Variants in BNC2 observed in about 807,000 individuals in gnomAD.
BNC2 encodes the protein zinc finger protein basonuclin-2.
A neutral mutation model predicts 76.3 loss-of-function variants in BNC2; 20 were observed. The observed-to-expected ratio is 0.26, with a 90% CI of 0.18 to 0.38. The LOEUF (loss-of-function observed/expected upper bound fraction) is 0.38, where lower values mean the gene tolerates loss of function less well. Ranked by LOEUF, BNC2 falls within the 10% of genes least tolerant of loss-of-function variation. The pLI is 1.00. For synonymous variants in BNC2, 582 were observed against 514.8 expected (o/e 1.13, Z -1.77); for missense variants, 1,382 against 1,399.8 (o/e 0.99, Z 0.20).
intron 5 of BNC2, among the ~76,000 whole-genome samples, chr9:16,451,696 T>C (rs1203098911): frequency 6.6e-6 from 1 of 152,158 alleles, no homozygotes; most frequent in African/African-American, 2.4e-5. Context: ...CCATGAAATG[T>C]TTCCTCTCCT....
chr9:16,488,856 A>G (rs1209419585), intron 5 of BNC2, among the ~76,000 whole-genome samples: 1 of 152,168 alleles, frequency 6.6e-6, no homozygotes, highest in South Asian at 2.1e-4. Flanking sequence ...CAAAAAACTG[A>G]TTAGTAGACC....
intron 1 of BNC2, among the ~76,000 whole-genome samples, chr9:16,845,546 C>A (rs960803813): frequency 6.6e-6 from 1 of 151,560 alleles, no homozygotes; most frequent in African/African-American, 2.4e-5. Flanking sequence ...ACAGTGAAAC[C>A]CCATCTCTAC....
intron 5 of BNC2, among the ~76,000 whole-genome samples, chr9:16,485,642 A>T (rs1185733494): frequency 6.6e-6 from 1 of 152,194 alleles, no homozygotes; most frequent in African/African-American, 2.4e-5. Flanking sequence ...CAACATAGTG[A>T]GACCCTGTCT....
intron 5 of BNC2, among the ~76,000 whole-genome samples, chr9:16,441,811 C>G (rs895096385): frequency 2.0e-5 from 3 of 152,096 alleles, no homozygotes; most frequent in Non-Finnish European, 2.9e-5. Context: ...AACTAGTCCT[C>G]CTTGCAAACA....
At chr9:16,744,862 T>A (rs1436047700) in intron 1 of BNC2, among the ~76,000 whole-genome samples, 1 of 152,242 alleles carries the variant, frequency 6.6e-6, no homozygotes, top group Non-Finnish European at 1.5e-5. Context: ...CATGCCCACA[T>A]ATGCAAACAT....
chr9:16,523,583 A>G (rs755067608), intron 5 of BNC2, among the ~76,000 whole-genome samples: 2 of 152,154 alleles, frequency 1.3e-5, no homozygotes, highest in African/African-American at 2.4e-5. Context: ...AAGTATGACT[A>G]AAGAGAAGAA....
At chr9:16,758,083 C>G (rs10756809) in intron 1 of BNC2, among the ~76,000 whole-genome samples, 123,301 of 152,128 alleles carry the variant, frequency 0.81, 51,401 homozygotes, top group Non-Finnish European at 0.91. Context: ...GACTCAAAAG[C>G]AGAATCTGCT....
intron 5 of BNC2, among the ~76,000 whole-genome samples, chr9:16,439,273 A>G (rs995374363): frequency 4.6e-5 from 7 of 152,074 alleles, no homozygotes; most frequent in African/African-American, 1.7e-4. Flanking sequence ...TACAACCTCA[A>G]CTCAATCATC....
At chr9:16,446,748 A>T (rs956858267) in intron 5 of BNC2, among the ~76,000 whole-genome samples, 1 of 151,854 alleles carries the variant, frequency 6.6e-6, no homozygotes, top group Non-Finnish European at 1.5e-5. Context: ...CTTCAGTAAC[A>T]GTCTATACAG....
intron 5 of BNC2, among the ~76,000 whole-genome samples, chr9:16,463,930 T>C (rs563316136): frequency 6.6e-6 from 1 of 151,702 alleles, no homozygotes; most frequent in Admixed American, 6.6e-5. Flanking sequence ...ACCTTGTCTC[T>C]ACTTAAAATA....
intron 3 of BNC2, among the ~76,000 whole-genome samples, chr9:16,714,268 C>A (rs1273690772): frequency 2.6e-5 from 4 of 152,218 alleles, no homozygotes; most frequent in Non-Finnish European, 5.9e-5. Flanking sequence ...AAACACAAAG[C>A]ACAAATGTTA....
intron 2 of BNC2, 61 bp downstream of exon 2, chr9:16,738,299 G>T (rs1824737675): frequency 1.3e-6 from 2 of 1,557,842 alleles, no homozygotes; most frequent in African/African-American, 1.4e-5. Context: ...TCTTAACTAG[G>T]TAATCAAAGA....
intron 3 of BNC2, among the ~76,000 whole-genome samples, chr9:16,633,617 A>G (rs1187420824): frequency 2.6e-5 from 4 of 152,184 alleles, no homozygotes; most frequent in Non-Finnish European, 1.5e-5. Context: ...AAGTTTTTAT[A>G]ATATCATTAT....
At chr9:16,744,061 G>C (rs534913874) in intron 1 of BNC2, among the ~76,000 whole-genome samples, 2 of 152,270 alleles carry the variant, frequency 1.3e-5, no homozygotes, top group South Asian at 4.2e-4. Context: ...CCGCCTCCCG[G>C]GTTCACGCCA....
At chr9:16,833,541 G>C (rs1403202028) in intron 1 of BNC2, among the ~76,000 whole-genome samples, 1 of 152,166 alleles carries the variant, frequency 6.6e-6, no homozygotes, top group Non-Finnish European at 1.5e-5. Flanking sequence ...ACTTCACTAA[G>C]GGCAAAGAGC....
intron 3 of BNC2, among the ~76,000 whole-genome samples, chr9:16,638,053 G>A (rs957537642): frequency 3.9e-5 from 6 of 152,162 alleles, no homozygotes; most frequent in African/African-American, 1.4e-4. Flanking sequence ...GATTGGATCC[G>A]CCTCCTAAAT....
intron 1 of BNC2, among the ~76,000 whole-genome samples, chr9:16,794,970 A>G (rs1375081922): frequency 1.3e-5 from 2 of 152,106 alleles, no homozygotes; most frequent in East Asian, 3.9e-4. Context: ...ATAAAGGAAA[A>G]TACAAATACT....
intron 5 of BNC2, among the ~76,000 whole-genome samples, chr9:16,458,267 A>G (rs1306161534): frequency 1.3e-5 from 2 of 152,198 alleles, no homozygotes; most frequent in Non-Finnish European, 2.9e-5. Flanking sequence ...AGTATTTAAT[A>G]TATCAAAAGT....
intron 1 of BNC2, among the ~76,000 whole-genome samples, chr9:16,841,143 A>G (rs1412520821): frequency 1.3e-5 from 2 of 152,226 alleles, no homozygotes; most frequent in Non-Finnish European, 1.5e-5. Context: ...TAAACAACAC[A>G]TAAGCAAATC....
Sources: allele counts gnomAD v4.1 joint callset (sites outside exome capture counted in the v4.1 genomes callset), GRCh38; gene constraint gnomAD v4.1.1; transcripts MANE v1.5; gene names NCBI Gene and HGNC (gene_info 2026-07-23, HGNC 2026-07-21).